Variants in NLGN1 observed in about 807,000 individuals in gnomAD.
The protein encoded by NLGN1 is neuroligin 1.
NLGN1 carries 12 observed loss-of-function variants against 65.5 expected under a neutral mutation model. The observed-to-expected ratio is 0.18, with a 90% CI of 0.12 to 0.30. NLGN1 has a LOEUF of 0.30. Ranked by LOEUF, NLGN1 falls within the 10% of genes least tolerant of loss-of-function variation. The pLI, the probability that NLGN1 is intolerant of heterozygous loss-of-function variation, is 1.00. For synonymous variants in NLGN1, 350 were observed against 359.5 expected (o/e 0.97, Z 0.30); for missense variants, 750 against 1,007.1 (o/e 0.74, Z 3.46).
chr3:174,264,936 C>G (rs1227078177), intron 4 of NLGN1, among the ~76,000 whole-genome samples: 2 of 151,982 alleles, frequency 1.3e-5, no homozygotes, highest in Non-Finnish European at 2.9e-5. Context: ...GTTGGAATAC[C>G]CTGCTGTGTG....
chr3:173,448,183 A>T (rs974388542), intron 2 of NLGN1, among the ~76,000 whole-genome samples: 13 of 152,144 alleles, frequency 8.5e-5, no homozygotes, highest in African/African-American at 2.9e-4. Context: ...ATTCAGTATG[A>T]TATTGGCTGT....
At chr3:174,155,475 C>G (rs552346495) in intron 4 of NLGN1, among the ~76,000 whole-genome samples, 12 of 151,864 alleles carry the variant, frequency 7.9e-5, no homozygotes, top group African/African-American at 2.9e-4. Context: ...CTGAAGCATT[C>G]GTAACAATGT....
intron 4 of NLGN1, among the ~76,000 whole-genome samples, chr3:174,148,567 A>G (rs1723769230): frequency 6.6e-6 from 1 of 152,140 alleles, no homozygotes; most frequent in Non-Finnish European, 1.5e-5. Context: ...GCATAACCCA[A>G]TTTACTAGCA....
At chr3:173,884,166 T>G (rs990406648) in intron 4 of NLGN1, among the ~76,000 whole-genome samples, 1 of 152,122 alleles carries the variant, frequency 6.6e-6, no homozygotes, top group South Asian at 2.1e-4. Context: ...ACTTACATTG[T>G]CTTTGAAAGG....
intron 4 of NLGN1, among the ~76,000 whole-genome samples, chr3:174,103,759 G>T (rs941116875): frequency 2.0e-5 from 3 of 152,096 alleles, no homozygotes; most frequent in South Asian, 2.1e-4. Flanking sequence ...CTTGAATATA[G>T]TTTTTACTGT....
chr3:173,794,453 A>G (rs998114775), intron 3 of NLGN1, among the ~76,000 whole-genome samples: 1 of 152,226 alleles, frequency 6.6e-6, no homozygotes, highest in Non-Finnish European at 1.5e-5. Flanking sequence ...TCCCAATCCC[A>G]TCTTCATTGA....
chr3:174,091,917 A>T (rs1744593168), intron 4 of NLGN1, among the ~76,000 whole-genome samples: 1 of 152,178 alleles, frequency 6.6e-6, no homozygotes, highest in Admixed American at 6.5e-5. Flanking sequence ...GCAATCAATC[A>T]AATCTATTTT....
intron 4 of NLGN1, among the ~76,000 whole-genome samples, chr3:174,094,343 A>G (rs1745064518): frequency 2.6e-5 from 4 of 152,156 alleles, no homozygotes; most frequent in Admixed American, 1.3e-4. Context: ...TTATATAGAG[A>G]CTTGTAGCTA....
At chr3:173,716,925 T>C (rs1769958295) in intron 3 of NLGN1, among the ~76,000 whole-genome samples, 1 of 152,148 alleles carries the variant, frequency 6.6e-6, no homozygotes, top group Non-Finnish European at 1.5e-5. Flanking sequence ...TCATACCGTT[T>C]ATCCTGACAC....
At position 173,684,052 on chromosome 3, in the gene NLGN1, G is replaced by A. The variant is rs371247058; in HGVS notation, c.493+78961G>A. Among the ~76,000 whole-genome samples the A allele has an allele frequency of 9.9e-5, 15 of 152,132 alleles. No individual in the cohort carries two copies. The East Asian group carries it at 1.4e-3, about 14-fold the overall frequency. ...CAGTAAACTGTGTAAACAGTTCACA[G>A]TAAACAAAAGTATATTGTTATTATT... On this transcript the variant is annotated intron_variant, in intron 3 of 6. Transcript: ENST00000457714.
At chr3:174,135,971 TA>T (rs1310042177) in intron 4 of NLGN1, among the ~76,000 whole-genome samples, 1 of 152,116 alleles carries the variant, frequency 6.6e-6, no homozygotes, top group Admixed American at 6.5e-5. Flanking sequence ...CCGCTGTTAT[TA>T]AATTTTAAAA....
chr3:174,087,404 A>G (rs1042694758), intron 4 of NLGN1, among the ~76,000 whole-genome samples: 6 of 152,210 alleles, frequency 3.9e-5, no homozygotes, highest in Non-Finnish European at 8.8e-5. Context: ...GTAAAATTAC[A>G]AAGCTGCCAA....
intron 3 of NLGN1, among the ~76,000 whole-genome samples, chr3:173,678,585 C>T (rs530020539): frequency 6.6e-6 from 1 of 152,036 alleles, no homozygotes; most frequent in South Asian, 2.1e-4. Context: ...GCAAATGGTT[C>T]GTTATGGCTA....
At chr3:173,791,582 T>A (rs1050133395) in intron 3 of NLGN1, among the ~76,000 whole-genome samples, 2 of 152,012 alleles carry the variant, frequency 1.3e-5, no homozygotes, top group Admixed American at 1.3e-4. Flanking sequence ...AATTTAAATT[T>A]CAATTGCATC....
intron 1 of NLGN1, among the ~76,000 whole-genome samples, chr3:173,422,947 A>G (rs1715386587): frequency 6.6e-6 from 1 of 152,168 alleles, no homozygotes; most frequent in Non-Finnish European, 1.5e-5. Flanking sequence ...GAGACTACGT[A>G]ATTTATAAAG....
intron 3 of NLGN1, among the ~76,000 whole-genome samples, chr3:173,797,120 G>A (rs1389697824): frequency 2.6e-5 from 4 of 152,080 alleles, no homozygotes; most frequent in Non-Finnish European, 5.9e-5. Flanking sequence ...ATCTGCTGCG[G>A]TAATCCAGAA....
chr3:174,276,116 G>GT (rs1169652171), intron 5 of NLGN1, among the ~76,000 whole-genome samples: 8 of 151,776 alleles, frequency 5.3e-5, no homozygotes, highest in African/African-American at 1.5e-4. Flanking sequence ...TTGATTCAGT[G>GT]TTTTTTCTAT....
chr3:173,730,316 C>G (rs916392496), intron 3 of NLGN1, among the ~76,000 whole-genome samples: 1 of 50,716 alleles, frequency 2.0e-5, no homozygotes, highest in Non-Finnish European at 4.8e-5. Flanking sequence ...ACTACTGCCC[C>G]ACCGCTCCCC....
intron 4 of NLGN1, among the ~76,000 whole-genome samples, chr3:174,171,143 A>C (rs1048132234): frequency 6.6e-6 from 1 of 152,140 alleles, no homozygotes; most frequent in African/African-American, 2.4e-5. Flanking sequence ...ATGTACAGTG[A>C]TGTTATGTTT....
Sources: allele counts gnomAD v4.1 joint callset (sites outside exome capture counted in the v4.1 genomes callset), GRCh38; gene constraint gnomAD v4.1.1; transcripts MANE v1.5; gene names NCBI Gene and HGNC (gene_info 2026-07-23, HGNC 2026-07-21).